Variants in SULF1 observed in about 807,000 individuals in gnomAD.
SULF1 encodes sulfatase 1, also known as extracellular sulfatase Sulf-1.
Under a neutral mutation model 110.5 loss-of-function variants are expected in SULF1, and 46 were observed. The observed-to-expected ratio is 0.42, with a 90% CI of 0.33 to 0.53. The LOEUF (loss-of-function observed/expected upper bound fraction) is 0.53, where lower values mean the gene tolerates loss of function less well. Among genes scored for constraint, SULF1 ranks in the 20% least tolerant of loss-of-function variants. SULF1 has a pLI of 0.12. For synonymous variants in SULF1, 371 were observed against 387.1 expected (o/e 0.96, Z 0.49); for missense variants, 941 against 1,094.2 (o/e 0.86, Z 1.98).
chr8:69,565,785 C>T (rs1019260637), intron 5 of SULF1, among the ~76,000 whole-genome samples: 8 of 152,284 alleles, frequency 5.3e-5, no homozygotes, highest in Middle Eastern at 3.4e-3. Context: ...CTGAGCCTTG[C>T]GGCCCCTGCC....
chr8:69,557,964 A>G (rs1443006063), intron 3 of SULF1, among the ~76,000 whole-genome samples: 3 of 152,214 alleles, frequency 2.0e-5, no homozygotes, highest in Non-Finnish European at 2.9e-5. Context: ...ATGATTGTCT[A>G]TCTTCTTTGC....
At chr8:69,500,641 T>C (rs926755732) in intron 2 of SULF1, among the ~76,000 whole-genome samples, 1 of 152,230 alleles carries the variant, frequency 6.6e-6, no homozygotes, top group African/African-American at 2.4e-5. Context: ...ATCTGCATGA[T>C]GCTTCTAATA....
chr8:69,633,778 T>G (rs1283543158), intron 19 of SULF1, among the ~76,000 whole-genome samples: 4 of 152,186 alleles, frequency 2.6e-5, no homozygotes, highest in Non-Finnish European at 5.9e-5. Flanking sequence ...ACCCGTCATC[T>G]ACGTTAGGTA....
chr8:69,588,698 C>A (rs540543287), intron 7 of SULF1, among the ~76,000 whole-genome samples: 1 of 152,136 alleles, frequency 6.6e-6, no homozygotes, highest in Non-Finnish European at 1.5e-5. Context: ...TGGGCAAACA[C>A]GACTTGACTT....
intron 1 of SULF1, among the ~76,000 whole-genome samples, chr8:69,486,551 A>T (rs1338530370): frequency 6.6e-6 from 1 of 152,114 alleles, no homozygotes; most frequent in African/African-American, 2.4e-5. Flanking sequence ...AGTTTACTAG[A>T]GTTTTTGGTA....
chr8:69,499,838 C>T (rs570611280), intron 2 of SULF1, among the ~76,000 whole-genome samples: 1 of 152,198 alleles, frequency 6.6e-6, no homozygotes, highest in African/African-American at 2.4e-5. Flanking sequence ...CAGCCTCAAA[C>T]ACCTGGGCTC....
intron 19 of SULF1, among the ~76,000 whole-genome samples, chr8:69,632,004 G>A (rs2130629832): frequency 6.6e-6 from 1 of 152,302 alleles, no homozygotes; most frequent in African/African-American, 2.4e-5. Flanking sequence ...ATGTCTCTAT[G>A]ATACTGTATT....
intron 1 of SULF1, among the ~76,000 whole-genome samples, chr8:69,480,100 C>A (rs764781891): frequency 2.6e-5 from 4 of 152,122 alleles, no homozygotes; most frequent in Non-Finnish European, 4.4e-5. Context: ...TGCAAACATG[C>A]AGCTTTATCA....
chr8:69,522,055 A>ATT (rs577539672), intron 3 of SULF1, among the ~76,000 whole-genome samples: 315 of 144,104 alleles, frequency 2.2e-3, no homozygotes, highest in African/African-American at 7.7e-3. Context: ...ATCATGGACG[A>ATT]TTTTTTTTTT....
intron 1 of SULF1, among the ~76,000 whole-genome samples, chr8:69,468,929 T>G (rs1808970496): frequency 2.0e-5 from 3 of 152,182 alleles, no homozygotes; most frequent in Non-Finnish European, 4.4e-5. Context: ...ATCACAGGGC[T>G]GCCTGGACAG....
chr8:69,618,356 CT>C (rs574976684), intron 13 of SULF1, among the ~76,000 whole-genome samples: 147 of 152,280 alleles, frequency 9.7e-4, no homozygotes, highest in Non-Finnish European at 1.5e-3. Flanking sequence ...CCTGCATAAA[CT>C]TTTTTTCCTG....
intron 1 of SULF1, among the ~76,000 whole-genome samples, chr8:69,476,098 A>G (rs1563455007): frequency 6.6e-6 from 1 of 152,222 alleles, no homozygotes; most frequent in Non-Finnish European, 1.5e-5. Context: ...AGAAGAGATG[A>G]AATATTTAAG....
upstream of SULF1, among the ~76,000 whole-genome samples, chr8:69,489,621 G>A (rs1273930723): frequency 7.2e-6 from 1 of 138,410 alleles, no homozygotes; most frequent in Non-Finnish European, 1.5e-5. Context: ...CTGTCGCCCA[G>A]GCTGGAGTGC....
rs1814372703 is a variant in SULF1, at chr8:69,547,639, G to A, written c.-133-15900G>A. Among the ~76,000 whole-genome samples, 2 of 152,120 alleles carry A rather than the reference G, an allele frequency of 1.3e-5. 1 individual carries two copies. Among genetic ancestry groups the A allele is most frequent in the South Asian group, 4.1e-4 (2 of 4,830 alleles). Reference sequence around the variant, plus strand: ...ACAGAGAGTATCACACACACCCCAGGAAGCCCTGGGGCCTTTCAAAGTGTG... The same window carrying A: ...ACAGAGAGTATCACACACACCCCAGAAAGCCCTGGGGCCTTTCAAAGTGTG... On this transcript the variant is annotated intron_variant, in intron 3 of 22. Coordinates refer to ENST00000402687, the MANE Select transcript of SULF1 (RefSeq NM_001128205.2).
chr8:69,632,802 A>T (rs1240923864), intron 19 of SULF1, among the ~76,000 whole-genome samples: 1 of 152,192 alleles, frequency 6.6e-6, no homozygotes, highest in Non-Finnish European at 1.5e-5. Context: ...AGGTCAGAGG[A>T]TCAGCTGAGC....
intron 3 of SULF1, among the ~76,000 whole-genome samples, chr8:69,516,026 A>G (rs140020659): frequency 2.6e-5 from 4 of 152,260 alleles, no homozygotes; most frequent in South Asian, 2.1e-4. Flanking sequence ...AACTTTCACT[A>G]ATTTTCCTGT....
At chr8:69,468,860 G>A (rs1808967987) in intron 1 of SULF1, among the ~76,000 whole-genome samples, 2 of 152,158 alleles carry the variant, frequency 1.3e-5, no homozygotes, top group South Asian at 4.1e-4. Flanking sequence ...TCTAACAGAG[G>A]CAAGGTGCTA....
rs569560010 is a variant in SULF1, at chr8:69,643,545, C to G, written c.2585+2704C>G. Among the ~76,000 whole-genome samples the G allele has an allele frequency of 5.3e-5, 8 of 152,158 alleles. No homozygotes were observed. In the East Asian group the frequency reaches 1.4e-3, roughly 26 times the overall value. On this transcript the variant is annotated intron_variant, in intron 22 of 22. Coordinates refer to ENST00000402687, the MANE Select transcript of SULF1 (RefSeq NM_001128205.2). ...AGCATTTTTTTAAATGTATCTTGTA[C>G]AAGATGAACTAAATAAATGTTTTTA...
intron 3 of SULF1, among the ~76,000 whole-genome samples, chr8:69,562,172 A>G (rs1306964416): frequency 6.6e-6 from 1 of 152,234 alleles, no homozygotes; most frequent in Non-Finnish European, 1.5e-5. Flanking sequence ...CAGGCTGCAG[A>G]GTGAAAAGCA....
Sources: gnomAD v4.1 joint callset for allele counts (sites outside exome capture counted in the v4.1 genomes callset) on GRCh38, gnomAD v4.1.1 for gene constraint, MANE v1.5 for transcripts, NCBI Gene and HGNC (gene_info 2026-07-23, HGNC 2026-07-21) for gene names.